ARMC9: variants seen among roughly 807,000 people sequenced by gnomAD.
ARMC9 encodes armadillo repeat containing 9, also known as lisH domain-containing protein ARMC9.
In ARMC9, 94 loss-of-function variants were observed where a neutral mutation model predicts 107.0. The ratio of observed to expected loss-of-function variants is 0.88; its 90% CI spans 0.74 to 1.04. The LOEUF (loss-of-function observed/expected upper bound fraction) is 1.04. Among genes scored for constraint, ARMC9 ranks in the 50% least tolerant of loss-of-function variants. The pLI, the probability that ARMC9 is intolerant of heterozygous loss-of-function variation, is 0.00. For synonymous variants in ARMC9, 380 were observed against 396.9 expected (o/e 0.96, Z 0.51); for missense variants, 942 against 1,030.1 (o/e 0.91, Z 1.17).
intron 21 of ARMC9, among the ~76,000 whole-genome samples, chr2:231,352,639 G>A (rs1332135742): frequency 2.0e-5 from 3 of 150,570 alleles, no homozygotes; most frequent in East Asian, 1.9e-4. Context: ...ATTTTATACT[G>A]AGAAATAATC....
intron 21 of ARMC9, chr2:231,345,323 T>C (rs914646057): frequency 4.5e-6 from 3 of 659,818 alleles, no homozygotes; most frequent in Admixed American, 4.1e-5. Flanking sequence ...CAGGGCCACT[T>C]CAGAAGACAA....
chr2:231,270,852 G>A (rs2039261054), intron 12 of ARMC9, 130 bp from the exon 13 acceptor site: 3 of 785,866 alleles, frequency 3.8e-6, no homozygotes, highest in African/African-American at 1.7e-5. Context: ...TGAAATGTTT[G>A]GCTTTAGTCT....
intron 8 of ARMC9, among the ~76,000 whole-genome samples, chr2:231,238,580 T>C (rs1574734610): frequency 6.6e-6 from 1 of 152,232 alleles, no homozygotes; most frequent in East Asian, 1.9e-4. Flanking sequence ...CTCAAACTCC[T>C]GAGCTCAAGT....
intron 19 of ARMC9, among the ~76,000 whole-genome samples, chr2:231,300,525 C>T (rs753544340): frequency 4.5e-4 from 69 of 152,294 alleles, no homozygotes; most frequent in Non-Finnish European, 7.9e-4. Flanking sequence ...CTGTTCTAGG[C>T]GCCTTATGGG....
intron 22 of ARMC9, among the ~76,000 whole-genome samples, chr2:231,357,751 T>G (rs895102760): frequency 2.6e-5 from 4 of 152,124 alleles, no homozygotes; most frequent in African/African-American, 9.7e-5. Context: ...GTTTTCTATT[T>G]TTTGTAAAGA....
At chr2:231,371,079 C>G (rs2125601337) in intron 24 of ARMC9, 1 of 462,466 alleles carries the variant, frequency 2.2e-6, no homozygotes, top group African/African-American at 2.0e-5. Context: ...CAGTCGCAGC[C>G]CAGGTCAGGC....
At chr2:231,281,225 G>A (rs146664046) in intron 16 of ARMC9, among the ~76,000 whole-genome samples, 34 of 151,896 alleles carry the variant, frequency 2.2e-4, no homozygotes, top group Middle Eastern at 3.4e-3. Flanking sequence ...CTGTATGGGG[G>A]CAGTGGGGCG....
chr2:231,269,366 G>A (rs1007048800), intron 12 of ARMC9, among the ~76,000 whole-genome samples: 3 of 125,278 alleles, frequency 2.4e-5, no homozygotes, highest in Non-Finnish European at 5.2e-5. Context: ...TCTACTTTTT[G>A]TTCCACTCTT....
chr2:231,243,305 C>T (rs1373841476), intron 9 of ARMC9, among the ~76,000 whole-genome samples: 1 of 150,196 alleles, frequency 6.7e-6, no homozygotes, highest in Non-Finnish European at 1.5e-5. Context: ...CCCAGCTACT[C>T]AGGAGCCTGA....
intron 21 of ARMC9, among the ~76,000 whole-genome samples, chr2:231,355,140 A>G (rs2045284754): frequency 6.6e-6 from 1 of 152,184 alleles, no homozygotes; most frequent in Non-Finnish European, 1.5e-5. Context: ...GGAGTTCGAG[A>G]CCAGTCCTAG....
At chr2:231,226,382 T>C (rs2034649087) in intron 6 of ARMC9, among the ~76,000 whole-genome samples, 1 of 152,186 alleles carries the variant, frequency 6.6e-6, no homozygotes, top group African/African-American at 2.4e-5. Context: ...TCAATATCAA[T>C]TTCCTTAGGA....
rs2039806786 is a variant in ARMC9 at position 231,276,850 on chromosome 2, C to A, written c.1474+75C>A. The A allele has an allele frequency of 3.9e-6, 6 of 1,556,676 alleles. No homozygotes were observed. The African/African-American group carries it at 4.1e-5, about 11-fold the overall frequency. On this transcript the variant is annotated intron_variant, in intron 15 of 24. Coordinates refer to ENST00000611582, the MANE Select transcript of ARMC9 (RefSeq NM_001352754.2). ...CTCTTGAAGCTGGGTTTCTAGTGAG[C>A]CTGATATGGTTTGCTTTTAGTCTCA...
intron 9 of ARMC9, among the ~76,000 whole-genome samples, chr2:231,248,694 C>T (rs532759368): frequency 4.6e-4 from 70 of 151,268 alleles, no homozygotes; most frequent in Non-Finnish European, 8.7e-4. Context: ...ATAATCCTAG[C>T]TACTCAGGAG....
intron 8 of ARMC9, 85 bp downstream of exon 8, chr2:231,235,466 AG>A: frequency 6.9e-7 from 1 of 1,444,206 alleles, no homozygotes; most frequent in Non-Finnish European, 9.3e-7. Context: ...TGGCAGGTGG[AG>A]CCTGCCTCTC....
At chr2:231,366,147 CA>C (rs2045807861) in intron 23 of ARMC9, among the ~76,000 whole-genome samples, 1 of 152,188 alleles carries the variant, frequency 6.6e-6, no homozygotes, top group African/African-American at 2.4e-5. Context: ...GCTGGAGAGT[CA>C]GGGGAGAGTT....
chr2:231,361,104 G>C (rs573870965), intron 23 of ARMC9, among the ~76,000 whole-genome samples: 11 of 152,348 alleles, frequency 7.2e-5, no homozygotes, highest in African/African-American at 2.6e-4. Context: ...AGTCAGACGG[G>C]AAGGACACAG....
At chr2:231,247,787 C>T (rs1323163044) in intron 9 of ARMC9, among the ~76,000 whole-genome samples, 3 of 152,078 alleles carry the variant, frequency 2.0e-5, no homozygotes, top group African/African-American at 7.2e-5. Flanking sequence ...AAAAATTAGC[C>T]GAGCGTGGTG....
chr2:231,327,966 G>A (rs961875632), intron 19 of ARMC9, among the ~76,000 whole-genome samples: 37 of 151,774 alleles, frequency 2.4e-4, no homozygotes, highest in African/African-American at 7.3e-4. Context: ...TGTTTTTTTC[G>A]TAGAGACGGT....
chr2:231,231,013 C>T (rs577200926), intron 7 of ARMC9, among the ~76,000 whole-genome samples: 7 of 152,286 alleles, frequency 4.6e-5, no homozygotes, highest in Admixed American at 3.3e-4. Context: ...CCTTTTATCC[C>T]GGAGATGTGC....
Sources: allele counts gnomAD v4.1 joint callset (sites outside exome capture counted in the v4.1 genomes callset), GRCh38; gene constraint gnomAD v4.1.1; transcripts MANE v1.5; gene names NCBI Gene and HGNC (gene_info 2026-07-23, HGNC 2026-07-21).